Variants in YIPF1 observed in about 807,000 individuals in gnomAD.
The protein encoded by YIPF1 is Yip1 domain family member 1.
A neutral mutation model predicts 37.0 loss-of-function variants in YIPF1; 22 were observed. That is an observed-to-expected ratio of 0.59 (90% CI 0.42 to 0.85). YIPF1 has a LOEUF of 0.85. Among genes scored for constraint, YIPF1 ranks in the 40% least tolerant of loss-of-function variants. The probability of loss-of-function intolerance (pLI) is 0.00; values close to 1 mark genes in which losing one functional copy is unlikely to be tolerated. For synonymous variants in YIPF1, 128 were observed against 131.9 expected (o/e 0.97, Z 0.21); for missense variants, 355 against 373.1 (o/e 0.95, Z 0.40).
In YIPF1 at chr1:53,866,739, C is replaced by A. The variant is rs1650034475; in HGVS notation, c.648+19G>T. 6.9e-6 allele frequency: 11 copies of A among 1,604,058 alleles called. No individual in the cohort carries two copies. The highest frequency in any genetic ancestry group is 1.1e-5 in the South Asian group (1 of 88,944). ...AACAGAGCATCACTCAGAATCTACT[C>A]CCTAAGTATGGTACTTACTGCGGTG... On this transcript the variant is annotated intron_variant, in intron 8 of 10. Transcript: ENST00000072644.
At chr1:53,873,333 AGT>A (rs1317416808) in intron 6 of YIPF1, among the ~76,000 whole-genome samples, 10 of 152,206 alleles carry the variant, frequency 6.6e-5, no homozygotes, top group Admixed American at 6.5e-4. Flanking sequence ...GAGTTCACCA[AGT>A]GAGGACAGAA....
At chr1:53,885,663 A>G (rs778039636) in intron 3 of YIPF1, among the ~76,000 whole-genome samples, 25 of 151,834 alleles carry the variant, frequency 1.6e-4, no homozygotes, top group Non-Finnish European at 2.4e-4. Context: ...TCTACTAAAA[A>G]CATAAAAATT....
At chr1:53,882,618 C>T (rs1650532007) in intron 4 of YIPF1, among the ~76,000 whole-genome samples, 2 of 152,096 alleles carry the variant, frequency 1.3e-5, no homozygotes, top group African/African-American at 4.8e-5. Context: ...CCACCATACT[C>T]GGCTAATATT....
At chr1:53,883,843 C>G (rs1259942042) in intron 3 of YIPF1, among the ~76,000 whole-genome samples, 1 of 152,114 alleles carries the variant, frequency 6.6e-6, no homozygotes, top group Non-Finnish European at 1.5e-5. Context: ...TTCGACCAGC[C>G]TGGCCAACAT....
chr1:53,867,367 C>CTTTTTT (rs57424528), intron 7 of YIPF1, among the ~76,000 whole-genome samples: 5 of 111,592 alleles, frequency 4.5e-5, no homozygotes, highest in Non-Finnish European at 9.0e-5. Context: ...CACTGACTTC[C>CTTTTTT]TTTTTTTTTT....
intron 3 of YIPF1, among the ~76,000 whole-genome samples, chr1:53,885,558 C>T (rs758487141): frequency 2.0e-5 from 3 of 151,986 alleles, no homozygotes; most frequent in African/African-American, 4.8e-5. Flanking sequence ...CAGTGGCTCA[C>T]GCCTGTAATC....
At chr1:53,868,820 ACT>A (rs899396282) in intron 7 of YIPF1, among the ~76,000 whole-genome samples, 15 of 152,058 alleles carry the variant, frequency 9.9e-5, no homozygotes, top group African/African-American at 3.6e-4. Context: ...ACAGGTAAAG[ACT>A]CTCCTGAGTT....
rs1358274321 is a variant in YIPF1, at chr1:53,852,067, T to C, written c.*212A>G. ...AGCGCATGCTCGCAATGATCATCCA[T>C]GGGTGAAAAGGAAGAGCTGAAAGAC... On this transcript the variant is annotated 3_prime_UTR_variant, in exon 11 of 11. Transcript: ENST00000072644. 4 of 152,150 alleles carry C rather than the reference T, an allele frequency of 2.6e-5. No individual in the cohort carries two copies. Among genetic ancestry groups the C allele is most frequent in the African/African-American group, 9.7e-5 (4 of 41,432 alleles). The allele number at this position is 152,150 out of a possible 1,614,324, so 9.4% of individuals were successfully genotyped here. A position where few individuals can be genotyped will look rare whatever the true frequency, so the allele number is the denominator to read the frequency against.
At chr1:53,859,255 C>T (rs1459929905) in intron 10 of YIPF1, among the ~76,000 whole-genome samples, 3 of 152,070 alleles carry the variant, frequency 2.0e-5, no homozygotes, top group African/African-American at 7.2e-5. Flanking sequence ...AATAAATAGC[C>T]GAACAAATTA....
chr1:53,863,044 G>C (rs971450852), intron 9 of YIPF1, among the ~76,000 whole-genome samples: 12 of 152,154 alleles, frequency 7.9e-5, no homozygotes, highest in South Asian at 4.1e-4. Flanking sequence ...CCTGACCACG[G>C]GATGGTTCCC....
intron 10 of YIPF1, among the ~76,000 whole-genome samples, chr1:53,859,266 A>G (rs997000146): frequency 2.6e-5 from 4 of 152,252 alleles, no homozygotes; most frequent in Admixed American, 1.3e-4. Flanking sequence ...GAACAAATTA[A>G]TGAATAGGCA....
intron 10 of YIPF1, among the ~76,000 whole-genome samples, chr1:53,857,867 G>A (rs1030439843): frequency 9.9e-5 from 15 of 151,552 alleles, no homozygotes; most frequent in Non-Finnish European, 2.2e-4. Context: ...TGTAATCTCA[G>A]CTACTTGGGA....
In YIPF1 at chr1:53,875,663, T is replaced by C. The variant is rs190091175; in HGVS notation, c.364+2652A>G. On this transcript the variant is annotated intron_variant, in intron 6 of 10. Transcript: ENST00000072644. ...CACCTCATCTCCTTCTAGGTCCCCC[T>C]GTTCACTCTCATCCAGTCGCAATAG... 1.4e-4 allele frequency among the ~76,000 whole-genome samples: 22 copies of C among 152,348 alleles called. No individual in the cohort carries two copies. In the East Asian group the frequency reaches 4.2e-3, roughly 29 times the overall value.
chr1:53,868,804 A>AT (rs1225403837), intron 7 of YIPF1, among the ~76,000 whole-genome samples: 3 of 152,204 alleles, frequency 2.0e-5, no homozygotes, highest in African/African-American at 7.2e-5. Flanking sequence ...GCCAAAGAGG[A>AT]TAAGAACAGG....
chr1:53,853,012 A>G (rs1649633984), intron 10 of YIPF1, among the ~76,000 whole-genome samples: 1 of 152,338 alleles, frequency 6.6e-6, no homozygotes, highest in Admixed American at 6.5e-5. Flanking sequence ...GAGATAGAAA[A>G]GACAGGTCTT....
intron 9 of YIPF1, 50 bp from the exon 10 acceptor site, chr1:53,860,203 G>C: frequency 7.6e-6 from 12 of 1,588,138 alleles, no homozygotes; most frequent in Non-Finnish European, 9.5e-6. Context: ...AGTGGTCCGG[G>C]TAAGTGTTTT....
intron 6 of YIPF1, among the ~76,000 whole-genome samples, chr1:53,877,541 G>A (rs1569640305): frequency 6.6e-6 from 1 of 152,120 alleles, no homozygotes; most frequent in Admixed American, 6.5e-5. Flanking sequence ...TTTTCCTCAG[G>A]AGTACTGGGT....
At chr1:53,875,533 T>C (rs1274079868) in intron 6 of YIPF1, among the ~76,000 whole-genome samples, 1 of 152,112 alleles carries the variant, frequency 6.6e-6, no homozygotes, top group Non-Finnish European at 1.5e-5. Context: ...CAAAAAAGTA[T>C]GTTACTCGTC....
intron 9 of YIPF1, among the ~76,000 whole-genome samples, chr1:53,862,952 C>T (rs1000125411): frequency 2.6e-5 from 4 of 152,148 alleles, no homozygotes; most frequent in Admixed American, 6.5e-5. Context: ...CCTTCTGCAG[C>T]GCACAATGCC....
Sources: gnomAD v4.1 joint callset for allele counts (sites outside exome capture counted in the v4.1 genomes callset) on GRCh38, gnomAD v4.1.1 for gene constraint, MANE v1.5 for transcripts, NCBI Gene and HGNC (gene_info 2026-07-23, HGNC 2026-07-21) for gene names.